CNPPD1: variants seen among roughly 807,000 people sequenced by gnomAD.
CNPPD1 encodes the protein protein CNPPD1.
Under a neutral mutation model 43.7 loss-of-function variants are expected in CNPPD1, and 40 were observed. The observed-to-expected ratio is 0.92, with a 90% CI of 0.71 to 1.19. CNPPD1 has a LOEUF of 1.19. Among genes scored for constraint, CNPPD1 ranks in the 50% most tolerant of loss-of-function variants. CNPPD1 has a pLI of 0.00. For synonymous variants in CNPPD1, 208 were observed against 214.3 expected (o/e 0.97, Z 0.26); for missense variants, 511 against 518.5 (o/e 0.99, Z 0.14).
intron 7 of CNPPD1, 109 bp from the exon 8 acceptor site, chr2:219,173,237 T>G: frequency 7.1e-7 from 1 of 1,411,942 alleles, no homozygotes; most frequent in Non-Finnish European, 9.8e-7. Flanking sequence ...TACACCCCAC[T>G]CTGCCCATCT....
At chr2:219,177,029 C>T (rs1950183122), upstream of CNPPD1, 1 of 484,052 alleles carries the variant, frequency 2.1e-6, no homozygotes, top group Non-Finnish European at 3.7e-6. Flanking sequence ...CTTCCTGTTC[C>T]GCCCCGGGCT....
chr2:219,173,079 A>T lies in CNPPD1; in HGVS notation c.740T>A (p.Val247Glu). The T allele has an allele frequency of 6.2e-7, 1 of 1,607,752 alleles. No homozygotes were observed. Among genetic ancestry groups the T allele is most frequent in the Non-Finnish European group, 8.5e-7 (1 of 1,179,066 alleles). The change falls in exon 8 of 8, where the codon GTG becomes GAG. Residue 247 changes from valine (V) to glutamate (E), a missense_variant. Val to Glu is a moderately radical substitution (Grantham distance 121). Transcript: ENST00000360507. Reference sequence around the variant, plus strand: ...CTGATGTATTACGGCCACCGATGCCACAGCCAGGGCCACACTGCTCACATA... The same window carrying T: ...CTGATGTATTACGGCCACCGATGCCTCAGCCAGGGCCACACTGCTCACATA... Reference protein sequence around the residue: ...VAYVSSVALAVASVAVIHQSL... With the variant: ...VAYVSSVALAEASVAVIHQSL...
intron 1 of CNPPD1, 27 bp downstream of exon 1, chr2:219,176,733 C>T (rs6436125): frequency 0.89 from 1,361,564 of 1,534,318 alleles, 611,537 homozygotes; most frequent in Non-Finnish European, 0.92. Flanking sequence ...GCCGGGAGGC[C>T]GGGGAGGGGG....
In CNPPD1 at chr2:219,175,798, A is replaced by G. The variant is rs932911506; in HGVS notation, c.179-126T>C. 1.7e-5 allele frequency: 13 copies of G among 756,826 alleles called. No homozygotes were observed. The Admixed American group carries it at 3.3e-4, about 19-fold the overall frequency. 46.9% of individuals were successfully genotyped at this position (756,826 alleles called of 1,614,324 possible). On this transcript the variant is annotated intron_variant, in intron 2 of 7. Transcript: ENST00000360507. ...GCCTTGGGGACAGGACCATAGTAAC[A>G]AAATAGAGATCAAATTCTCACACAC...
intron 1 of CNPPD1, among the ~76,000 whole-genome samples, 200 bp downstream of exon 1, chr2:219,176,560 G>A (rs1418690795): frequency 6.6e-6 from 1 of 152,196 alleles, no homozygotes; most frequent in Admixed American, 6.5e-5. Context: ...TCTCCGAGAA[G>A]GGCCCTCGTG....
chr2:219,172,233 C>T lies in CNPPD1; in HGVS notation c.*353G>A. 1 of 320,484 alleles carries T rather than the reference C, an allele frequency of 3.1e-6. No individual in the cohort carries two copies. The highest frequency in any genetic ancestry group is 3.2e-5 in the South Asian group (1 of 31,428). The allele number at this position is 320,484 out of a possible 1,614,324, so 19.9% of individuals were successfully genotyped here. On this transcript the variant is annotated 3_prime_UTR_variant, in exon 8 of 8. Coordinates refer to ENST00000360507, the MANE Select transcript of CNPPD1 (RefSeq NM_015680.6). ...GCCAACATTTCCTTTCTCCTCTCAC[C>T]CCACTTCCCTTATCTCCCACCTATA...
chr2:219,176,708 G>GGCAGGGAGGGGCGC, intron 1 of CNPPD1, 52 bp downstream of exon 1: 1 of 1,293,372 alleles, frequency 7.7e-7, no homozygotes, highest in Non-Finnish European at 1.1e-6. Flanking sequence ...GCGCCGCTCA[G>GGCAGGGAGGGGCGC]GCCGGGAGGG....
chr2:219,175,044 G>A lies in CNPPD1; in HGVS notation c.325C>T (p.Arg109Ter), dbSNP rs762515593. The A allele has an allele frequency of 2.9e-5, 47 of 1,613,752 alleles. No homozygotes were observed. The highest frequency in any genetic ancestry group is 3.7e-5 in the Non-Finnish European group (44 of 1,180,018). The change falls in exon 4 of 8, where the codon CGA becomes TGA. Residue 109 changes from arginine to a stop codon, truncating the protein, a stop_gained. Coordinates refer to ENST00000360507, the MANE Select transcript of CNPPD1 (RefSeq NM_015680.6). LOFTEE classifies it high-confidence loss of function. Reference protein sequence around the residue: ...ALVYIERLRHRNPDYLQHVSS... With the variant: ...ALVYIERLRH ...ACATGCTGCAAGTAGTCTGGGTTTCGGTGCCGGAGCCGTTCAATGTACACC... is the reference window on the plus strand; with the variant it reads ...ACATGCTGCAAGTAGTCTGGGTTTCAGTGCCGGAGCCGTTCAATGTACACC...
Position 219,176,778 on chromosome 2 carries a change from G to C in CNPPD1, c.51C>G (p.Ala17=). The change falls in exon 1 of 8, where the codon GCC becomes GCG. Residue 17 remains alanine, a synonymous_variant. Transcript: ENST00000360507. ...CACTCACCGTGAAGTCCTGGAAGCCGGCGAGGGAGAAGGTGCCTTCTTCGT... is the reference window on the plus strand; with the variant it reads ...CACTCACCGTGAAGTCCTGGAAGCCCGCGAGGGAGAAGGTGCCTTCTTCGT... ...LLDEEGTFSL[A]GFQDFTFLPG... 6.3e-7 allele frequency: 1 copy of C among 1,582,836 alleles called. No individual in the cohort carries two copies.
At chr2:219,177,271 C>T (rs1021799290), upstream of CNPPD1, 3 of 161,798 alleles carry the variant, frequency 1.9e-5, no homozygotes, top group Admixed American at 1.3e-4. Context: ...GAACCGGACT[C>T]GAACTCCTGG....
intron 6 of CNPPD1, 119 bp downstream of exon 6, chr2:219,174,026 GC>G: frequency 2.1e-6 from 2 of 959,766 alleles, no homozygotes; most frequent in South Asian, 2.6e-5. Flanking sequence ...CACTATCTGG[GC>G]AATTCTCTTT....
Position 219,176,283 on chromosome 2 carries a change from A to T in CNPPD1, c.118T>A (p.Tyr40Asn), listed in dbSNP as rs757935758. The T allele has an allele frequency of 6.2e-6, 10 of 1,614,186 alleles. No individual in the cohort carries two copies. Among genetic ancestry groups the T allele is most frequent in the Non-Finnish European group, 8.5e-6 (10 of 1,180,010 alleles). Residue 40 changes from tyrosine (Y) to asparagine (N), a missense_variant, in exon 2 of 8, where the codon TAC (tyrosine) becomes AAC (asparagine). By Grantham distance (143) the Tyr-to-Asn change is moderately radical. Coordinates refer to ENST00000360507, the MANE Select transcript of CNPPD1 (RefSeq NM_015680.6). ...KLSARIRRRLYYGWDWEADCS... is the reference protein window; with the variant it reads ...KLSARIRRRLNYGWDWEADCS... ...TCGGCTTCCCAGTCCCAGCCATAGT[A>T]GAGCCTCCTTCGGATCCGGGCACTC...
rs1950103649 is a variant in CNPPD1 at position 219,173,196 on chromosome 2, T to A, written c.691-68A>T. The A allele has an allele frequency of 3.3e-6, 5 of 1,494,464 alleles. No individual in the cohort carries two copies. The Admixed American group carries it at 6.1e-5, about 18-fold the overall frequency. 92.6% of individuals were successfully genotyped at this position (1,494,464 alleles called of 1,614,324 possible). ...CATTCACCCCTTGTCTCTAGAAATCTGTGTTCCAGTTGGAGGTCTCTATAG... is the reference window on the plus strand; with the variant it reads ...CATTCACCCCTTGTCTCTAGAAATCAGTGTTCCAGTTGGAGGTCTCTATAG... On this transcript the variant is annotated intron_variant, in intron 7 of 7. Coordinates refer to ENST00000360507, the MANE Select transcript of CNPPD1 (RefSeq NM_015680.6).
In CNPPD1 at chr2:219,174,158, C is replaced by A. The variant is rs1383877436; in HGVS notation, c.560G>T (p.Trp187Leu). The A allele has an allele frequency of 1.2e-6, 2 of 1,614,070 alleles. No homozygotes were observed. Among genetic ancestry groups the A allele is most frequent in the South Asian group, 1.1e-5 (1 of 91,090 alleles). ...DPREIFEVLS[W>L]LESCVAEQQG... ...TCCTAGAACCTACCAGCTCTCCAAC[C>A]AGCTCAGCACCTCAAAGATCTCCCG... The change falls in exon 6 of 8, where the codon TGG becomes TTG. Residue 187 changes from tryptophan to leucine, a missense_variant. Physicochemically the swap from Trp to Leu is moderately conservative, Grantham distance 61 (BLOSUM62 -2). Transcript: ENST00000360507.
In CNPPD1 at chr2:219,174,976, G is replaced by A. The variant is rs961203687; in HGVS notation, c.381+12C>T. 67 of 1,613,938 alleles carry A rather than the reference G, an allele frequency of 4.2e-5. No individual in the cohort carries two copies. Among genetic ancestry groups the A allele is most frequent in the Non-Finnish European group, 5.3e-5 (63 of 1,180,030 alleles). ...CTTGGCTCTTTAGGGAGATGGGGAG[G>A]GGGTGTCTTACCATGGAGATCAGGA... On this transcript the variant is annotated intron_variant, in intron 4 of 7. Transcript: ENST00000360507.
intron 7 of CNPPD1, 44 bp downstream of exon 7, chr2:219,173,306 C>T: frequency 6.4e-7 from 1 of 1,566,380 alleles, no homozygotes; most frequent in Non-Finnish European, 8.8e-7. Flanking sequence ...CCACCCTACA[C>T]ACCGGCCTGC....
rs773328088 is a variant in CNPPD1, at chr2:219,176,780, C to T, written c.49G>A (p.Ala17Thr). The T allele has an allele frequency of 1.9e-6, 3 of 1,583,058 alleles. No homozygotes were observed. The highest frequency in any genetic ancestry group is 2.6e-6 in the Non-Finnish European group (3 of 1,165,302). ...LLDEEGTFSLAGFQDFTFLPG... is the reference protein window; with the variant it reads ...LLDEEGTFSLTGFQDFTFLPG... ...CTCACCGTGAAGTCCTGGAAGCCGG[C>T]GAGGGAGAAGGTGCCTTCTTCGTCC... Residue 17 changes from alanine (A) to threonine (T), a missense_variant, in exon 1 of 8, where the codon GCC (alanine) becomes ACC (threonine). Ala to Thr is a moderately conservative substitution (Grantham distance 58). Transcript: ENST00000360507.
chr2:219,176,352 C>G (rs752459686), intron 1 of CNPPD1, 21 bp from the exon 2 acceptor site: 2 of 1,564,528 alleles, frequency 1.3e-6, no homozygotes, highest in South Asian at 1.1e-5. Flanking sequence ...GCAGGGGCAG[C>G]GGAGGGTGAA....
intron 2 of CNPPD1, 99 bp downstream of exon 2, chr2:219,176,123 GA>G: frequency 1.2e-6 from 1 of 827,884 alleles, no homozygotes; most frequent in Non-Finnish European, 2.0e-6. Context: ...TAGCAATGAA[GA>G]GACAGTGTAG....
Sources: gnomAD v4.1 joint callset for allele counts (sites outside exome capture counted in the v4.1 genomes callset) on GRCh38, gnomAD v4.1.1 for gene constraint, MANE v1.5 for transcripts, NCBI Gene and HGNC (gene_info 2026-07-23, HGNC 2026-07-21) for gene names.